The following RELT variants were observed in gnomAD, a reference collection of about 807,000 sequenced individuals.
The protein encoded by RELT is tumor necrosis factor receptor superfamily member 19L.
RELT carries 37 observed loss-of-function variants against 51.1 expected under a neutral mutation model. That is an observed-to-expected ratio of 0.72 (90% CI 0.56 to 0.95). The LOEUF (loss-of-function observed/expected upper bound fraction) is 0.95. Ranked by LOEUF, RELT falls within the 40% of genes least tolerant of loss-of-function variation. The pLI is 0.00. For synonymous variants in RELT, 241 were observed against 235.7 expected (o/e 1.02, Z -0.21); for missense variants, 535 against 572.6 (o/e 0.93, Z 0.67).
rs949591197 is a variant in RELT at position 73,388,576 on chromosome 11, C to T, written c.-25-536C>T. Among the ~76,000 whole-genome samples, 1 of 152,174 alleles carries T rather than the reference C, an allele frequency of 6.6e-6. No individual in the cohort carries two copies. The highest frequency in any genetic ancestry group is 2.4e-5 in the African/African-American group (1 of 41,438). ...AGAAGCTTCTGGAAAGAGAGGCCTT[C>T]GTGTTGAGCTTTGAAGGGTAAAGGA... is the stretch of plus-strand genomic sequence containing the variant. On this transcript the variant is annotated intron_variant, in intron 1 of 10. Transcript: ENST00000064780. The surrounding 1 kb of genome is among the most constrained non-coding windows in gnomAD (Gnocchi z 4.1).
At chr11:73,391,917 C>T in intron 5 of RELT, 1 of 534,250 alleles carries the variant, frequency 1.9e-6, no homozygotes. Context: ...GTCCCTGTGC[C>T]CAGACATGTG....
At chr11:73,379,651 C>T (rs192847024) in intron 1 of RELT, among the ~76,000 whole-genome samples, 5 of 152,318 alleles carry the variant, frequency 3.3e-5, no homozygotes, top group South Asian at 2.1e-4. Context: ...CTTTCCCTGG[C>T]GGCTGGAGGT....
rs1447730793 is a variant in RELT, at chr11:73,393,834, C to G, written c.626-3C>G. The G allele has an allele frequency of 6.2e-7, 1 of 1,613,836 alleles. No homozygotes were observed. The highest frequency in any genetic ancestry group is 8.5e-7 in the Non-Finnish European group (1 of 1,179,892). The stretch of plus-strand genomic sequence containing the variant: ...CCAGGATCAGGGCCCTTCTCTTCCC[C>G]AGGAATCAACCCTGCCTACCGGACT... On this transcript the variant is annotated splice_polypyrimidine_tract_variant and splice_region_variant and intron_variant, in intron 6 of 10. Coordinates refer to ENST00000064780, the MANE Select transcript of RELT (RefSeq NM_152222.2).
At chr11:73,382,165 A>G (rs552192679) in intron 1 of RELT, among the ~76,000 whole-genome samples, 3 of 152,270 alleles carry the variant, frequency 2.0e-5, no homozygotes, top group African/African-American at 7.2e-5. Flanking sequence ...CTGCACTTGC[A>G]CTGACCCCAG....
chr11:73,392,297 C>T lies in RELT; in HGVS notation c.454C>T (p.Arg152Trp), dbSNP rs758440839. The T allele has an allele frequency of 6.8e-5, 110 of 1,613,188 alleles. 2 individuals carry two copies. In the South Asian group the frequency reaches 1.1e-3, roughly 15 times the overall value. ...GETRQPGNGT[R>W]AGGPEETAAQ... ...GACACGGCAGCCTGGGAACGGCACC[C>T]GGGCAGGTGGCCCAGAGGAGACAGC... Residue 152 changes from arginine (R) to tryptophan (W), a missense_variant, in exon 6 of 11, where the codon CGG (arginine) becomes TGG (tryptophan). Coordinates refer to ENST00000064780, the MANE Select transcript of RELT (RefSeq NM_152222.2).
At position 73,394,132 on chromosome 11, in the gene RELT, G is replaced by C. The variant is rs1866266209; in HGVS notation, c.707-104G>C. ...AGGAAAAGGCGCACAGCCCAGGCTGGGAGTGGTGGTATGGAGGGTAGGTGG... is the reference window on the plus strand; with the variant it reads ...AGGAAAAGGCGCACAGCCCAGGCTGCGAGTGGTGGTATGGAGGGTAGGTGG... On this transcript the variant is annotated intron_variant, in intron 7 of 10. Coordinates refer to ENST00000064780, the MANE Select transcript of RELT (RefSeq NM_152222.2). This position sits in a 1 kb window ranked among gnomAD's most constrained non-coding sequence, Gnocchi z 4.9. 8.9e-7 allele frequency: 1 copy of C among 1,124,496 alleles called. No homozygotes were observed. The highest frequency in any genetic ancestry group is 2.8e-4 in the Middle Eastern group (1 of 3,534). 69.7% of individuals were successfully genotyped at this position (1,124,496 alleles called of 1,614,324 possible). A position where few individuals can be genotyped will look rare whatever the true frequency, so the allele number is the denominator to read the frequency against.
chr11:73,395,028 G>A (rs1156615965), intron 9 of RELT, 59 bp from the exon 10 acceptor site: 3 of 1,450,600 alleles, frequency 2.1e-6, no homozygotes, highest in Non-Finnish European at 2.9e-6. Context: ...GGCACGTGCT[G>A]CCTTCTCTGT....
rs1416415942 is a variant in RELT at position 73,395,150 on chromosome 11, C to T, written c.1110C>T (p.Ile370=). 1 of 1,613,634 alleles carries T rather than the reference C, an allele frequency of 6.2e-7. No individual in the cohort carries two copies. Among genetic ancestry groups the T allele is most frequent in the East Asian group, 2.2e-5 (1 of 44,880 alleles). ...TSSMVSEVKT[I]TEAGPSWGDL... is the part of the protein sequence containing the mutation. The stretch of plus-strand genomic sequence containing the variant: ...CAATGGTGTCTGAGGTGAAGACCAT[C>T]ACGGAGGCTGGGCCCTCGTGGGGTG... The change falls in exon 10 of 11, where the codon ATC becomes ATT. Residue 370 remains isoleucine (I), a synonymous_variant. Coordinates refer to ENST00000064780, the MANE Select transcript of RELT (RefSeq NM_152222.2).
chr11:73,388,781 G>C lies in RELT; in HGVS notation c.-25-331G>C, dbSNP rs949517146. Reference sequence around the variant, plus strand: ...TCATCACGGACACAGGCCGCCACACGCGCTTCCTTCCCCTGCTGATGCCTC... The same window carrying C: ...TCATCACGGACACAGGCCGCCACACCCGCTTCCTTCCCCTGCTGATGCCTC... On this transcript the variant is annotated intron_variant, in intron 1 of 10. Transcript: ENST00000064780. The surrounding 1 kb of genome is among the most constrained non-coding windows in gnomAD (Gnocchi z 4.1). 6.6e-6 allele frequency among the ~76,000 whole-genome samples: 1 copy of C among 152,186 alleles called. No individual in the cohort carries two copies. Among genetic ancestry groups the C allele is most frequent in the South Asian group, 2.1e-4 (1 of 4,828 alleles).
chr11:73,379,476 C>T (rs997740591), intron 1 of RELT, among the ~76,000 whole-genome samples: 5 of 152,136 alleles, frequency 3.3e-5, no homozygotes. Flanking sequence ...ATATTGAGGG[C>T]CAGTCAGCAC....
chr11:73,390,369 G>A (rs1866190342), intron 2 of RELT, among the ~76,000 whole-genome samples, 182 bp from the exon 3 acceptor site: 1 of 152,118 alleles, frequency 6.6e-6, no homozygotes, highest in African/African-American at 2.4e-5. Context: ...CAGCAGGTCT[G>A]GGACAGGACA....
At chr11:73,385,600 G>A (rs891740707) in intron 1 of RELT, among the ~76,000 whole-genome samples, 2 of 152,132 alleles carry the variant, frequency 1.3e-5, no homozygotes, top group African/African-American at 2.4e-5. Flanking sequence ...CCTCACCACT[G>A]TCTGGTGGGG....
chr11:73,390,873 A>C lies in RELT; in HGVS notation c.239A>C (p.Gln80Pro). ...RCSLWRRLEA[Q>P]VGMATRDTLC... ...AGCCTTTGGAGGAGGCTGGAGGCCCAGGTGGGCATGGCAACTCGAGATACA... is the reference window on the plus strand; with the variant it reads ...AGCCTTTGGAGGAGGCTGGAGGCCCCGGTGGGCATGGCAACTCGAGATACA... The change falls in exon 4 of 11, where the codon CAG (glutamine) becomes CCG (proline). Residue 80 changes from glutamine to proline, a missense_variant. Coordinates refer to ENST00000064780, the MANE Select transcript of RELT (RefSeq NM_152222.2). 6.2e-7 allele frequency: 1 copy of C among 1,613,276 alleles called. No homozygotes were observed. The highest frequency in any genetic ancestry group is 8.5e-7 in the Non-Finnish European group (1 of 1,179,874).
chr11:73,383,611 TAAGTTGCAGGGCAA>T (rs1162869707), intron 1 of RELT, among the ~76,000 whole-genome samples: 1 of 152,200 alleles, frequency 6.6e-6, no homozygotes, highest in African/African-American at 2.4e-5. Flanking sequence ...GGTCCTGGGC[TAAGTTGCAGGGCAA>T]AAGGAGGCAG....
chr11:73,393,184 G>A, intron 6 of RELT: 1 of 1,000,630 alleles, frequency 1.0e-6, no homozygotes, highest in Non-Finnish European at 1.2e-6. Context: ...AGTCTGGCGG[G>A]GGCAGGAAGC....
At chr11:73,382,244 C>T (rs903866988) in intron 1 of RELT, among the ~76,000 whole-genome samples, 2 of 152,176 alleles carry the variant, frequency 1.3e-5, no homozygotes, top group Non-Finnish European at 2.9e-5. Flanking sequence ...TTCCCCAGCA[C>T]CGCAAGTCTG....
At chr11:73,382,420 T>C (rs1866064292) in intron 1 of RELT, among the ~76,000 whole-genome samples, 1 of 152,190 alleles carries the variant, frequency 6.6e-6, no homozygotes, top group Non-Finnish European at 1.5e-5. Flanking sequence ...CAAAGGTGGC[T>C]TCTTGGAGGA....
rs1374852966 is a variant in RELT, at chr11:73,390,835, C to G, written c.201C>G (p.Pro67=). 2 of 1,612,966 alleles carry G rather than the reference C, an allele frequency of 1.2e-6. No individual in the cohort carries two copies. The highest frequency in any genetic ancestry group is 2.2e-5 in the East Asian group (1 of 44,864). ...CATGGGGCTCCAGCCCATGCCAGCC[C>G]CATGCCCGTTGCAGCCTTTGGAGGA... The part of the protein sequence containing the change: ...SAAWGSSPCQ[P]HARCSLWRRL... Residue 67 remains proline (P), a synonymous_variant, in exon 4 of 11, where the codon CCC becomes CCG. Transcript: ENST00000064780.
chr11:73,382,169 A>T (rs1866060220), intron 1 of RELT, among the ~76,000 whole-genome samples: 1 of 152,102 alleles, frequency 6.6e-6, no homozygotes, highest in Admixed American at 6.5e-5. Flanking sequence ...ACTTGCACTG[A>T]CCCCAGTCCT....
Sources: allele counts gnomAD v4.1 joint callset (sites outside exome capture counted in the v4.1 genomes callset), GRCh38; gene constraint gnomAD v4.1.1; non-coding constraint Gnocchi (gnomAD v3.1); transcripts MANE v1.5; gene names NCBI Gene and HGNC (gene_info 2026-07-23, HGNC 2026-07-21).